VPS13C: variants seen among roughly 807,000 people sequenced by gnomAD.
The protein encoded by VPS13C is vacuolar protein sorting 13 homolog C, also known as intermembrane lipid transfer protein VPS13C.
VPS13C carries 358 observed loss-of-function variants against 456.8 expected under a neutral mutation model. The ratio of observed to expected loss-of-function variants is 0.78; its 90% CI spans 0.72 to 0.86. VPS13C has a LOEUF of 0.86. Ranked by LOEUF, VPS13C falls within the 40% of genes least tolerant of loss-of-function variation. The pLI is 0.00. For missense variants in VPS13C, 4,818 were observed against 4,385.4 expected (o/e 1.10, Z -2.79); for synonymous variants, 1,578 against 1,486.7 (o/e 1.06, Z -1.41).
intron 6 of VPS13C, among the ~76,000 whole-genome samples, chr15:62,024,129 TATA>T (rs2047554562): frequency 1.3e-5 from 2 of 152,102 alleles, no homozygotes; most frequent in African/African-American, 4.8e-5. Context: ...CAATGCCATT[TATA>T]ATATTAATGA....
At chr15:62,044,123 A>T in intron 2 of VPS13C, 89 bp downstream of exon 2, 1 of 814,226 alleles carries the variant, frequency 1.2e-6, no homozygotes, top group Non-Finnish European at 1.9e-6. Flanking sequence ...CACTTTATCT[A>T]GTACATGGTA....
intron 1 of VPS13C, among the ~76,000 whole-genome samples, chr15:62,048,358 GT>G: frequency 6.9e-6 from 1 of 145,234 alleles, no homozygotes; most frequent in East Asian, 2.2e-4. Context: ...GTGGTGTTTG[GT>G]TTTTTGTCCT....
chr15:62,020,691 T>C (rs1360877740), intron 8 of VPS13C, among the ~76,000 whole-genome samples, 153 bp from the exon 9 acceptor site: 3 of 151,976 alleles, frequency 2.0e-5, no homozygotes, highest in Admixed American at 6.6e-5. Context: ...GGTAATAACA[T>C]GGCTGGGATT....
chr15:61,975,305 T>A (rs189409808), intron 24 of VPS13C, among the ~76,000 whole-genome samples: 1 of 151,282 alleles, frequency 6.6e-6, no homozygotes, highest in East Asian at 2.0e-4. Flanking sequence ...AAAAAAAGAA[T>A]CAAAAGAGAG....
At chr15:62,046,598 G>T (rs1436958) in intron 1 of VPS13C, among the ~76,000 whole-genome samples, 57,245 of 152,040 alleles carry the variant, frequency 0.38, 11,815 homozygotes, top group Admixed American at 0.5. Context: ...CTCATAAATT[G>T]TGACTGTTCT....
chr15:61,928,646 G>A (rs891603082), intron 51 of VPS13C, among the ~76,000 whole-genome samples: 6 of 152,148 alleles, frequency 3.9e-5, no homozygotes, highest in African/African-American at 9.6e-5. Flanking sequence ...TGGGGAGGCA[G>A]AGGCGGGCGG....
In VPS13C at chr15:61,961,573, T is replaced by C. The variant is rs2045208034; in HGVS notation, c.3908+16A>G. On this transcript the variant is annotated intron_variant, in intron 35 of 84. Transcript: ENST00000644861. ...TGAATATAATATTTAAATCCATAAT[T>C]ATTGAAAGAGCATACCTATAAAGTG... 1 of 1,525,368 alleles carries C rather than the reference T, an allele frequency of 6.6e-7. No homozygotes were observed. The allele number at this position is 1,525,368 out of a possible 1,614,324, so 94.5% of individuals were successfully genotyped here.
intron 5 of VPS13C, among the ~76,000 whole-genome samples, chr15:62,031,668 CTT>C (rs1243192026): frequency 6.6e-6 from 1 of 151,774 alleles, no homozygotes; most frequent in East Asian, 1.9e-4. Context: ...ATGAAAAAAA[CTT>C]AAATTTTATC....
At position 61,867,863 on chromosome 15, in the gene VPS13C, A is replaced by G; in HGVS notation, c.10863+796T>C. On this transcript the variant is annotated intron_variant, in intron 81 of 84. Transcript: ENST00000644861. The surrounding 1 kb of genome is among the most constrained non-coding windows in gnomAD (Gnocchi z 5.0). ...TGACAATGGAATTCACACACAGTCA[A>G]TTAACACCACAGTTTGTTTTGATTT... is the stretch of plus-strand genomic sequence containing the variant. The G allele has an allele frequency of 6.3e-7, 1 of 1,587,636 alleles. No individual in the cohort carries two copies. Among genetic ancestry groups the G allele is most frequent in the Non-Finnish European group, 8.6e-7 (1 of 1,167,286 alleles).
intron 75 of VPS13C, among the ~76,000 whole-genome samples, chr15:61,876,702 G>C (rs541128797): frequency 2.7e-4 from 41 of 151,948 alleles, no homozygotes; most frequent in African/African-American, 9.2e-4. Context: ...AAGAAATCAA[G>C]TATAATGACT....
Position 62,057,211 on chromosome 15 carries a change from C to CA in VPS13C, c.100+3063dup, listed in dbSNP as rs1218790823. Among the ~76,000 whole-genome samples the CA allele has an allele frequency of 5.7e-4, 86 of 150,464 alleles. 1 individual carries two copies. The highest frequency in any genetic ancestry group is 3.4e-3 in the Middle Eastern group (1 of 290). ...AGACTTGAAAATTCAACAACAACAACAAAAAAAAAACTCTGTGAACTGTAA... is the reference window on the plus strand; with the variant it reads ...AGACTTGAAAATTCAACAACAACAACAAAAAAAAAAACTCTGTGAACTGTAA... On this transcript the variant is annotated intron_variant, in intron 1 of 84. Coordinates refer to ENST00000644861, the MANE Select transcript of VPS13C (RefSeq NM_020821.3).
At chr15:62,014,528 G>T (rs187160489) in intron 9 of VPS13C, among the ~76,000 whole-genome samples, 2 of 152,224 alleles carry the variant, frequency 1.3e-5, no homozygotes, top group East Asian at 3.9e-4. Context: ...ATGAGATCCA[G>T]ATCAGAGGTG....
chr15:61,892,079 T>C (rs1421866884), intron 66 of VPS13C, among the ~76,000 whole-genome samples: 2 of 152,312 alleles, frequency 1.3e-5, no homozygotes, highest in East Asian at 3.9e-4. Context: ...TTCCTCACCA[T>C]CTTGGGCTCC....
At chr15:61,903,192 G>T (rs980907405) in intron 66 of VPS13C, among the ~76,000 whole-genome samples, 15 of 151,654 alleles carry the variant, frequency 9.9e-5, no homozygotes, top group Non-Finnish European at 2.1e-4. Context: ...AAACAAAAAC[G>T]CTGGGCTTGG....
chr15:61,926,656 C>T (rs759758557), intron 52 of VPS13C, among the ~76,000 whole-genome samples: 2 of 152,070 alleles, frequency 1.3e-5, no homozygotes, highest in African/African-American at 2.4e-5. Context: ...TCATATGTTT[C>T]GATAATAATA....
chr15:61,941,777 CTGAG>C lies in VPS13C; in HGVS notation c.5435_5438del (p.Thr1812SerfsTer2), dbSNP rs1218246589. The C allele has an allele frequency of 3.1e-6, 5 of 1,610,868 alleles. No homozygotes were observed. The highest frequency in any genetic ancestry group is 1.7e-4 in the Middle Eastern group (1 of 5,760). ...CATATTTATACCTTGACAGCTTCAA[CTGAG>C]TGAGTTCGATGTTCATTTTATCAAT... is the stretch of plus-strand genomic sequence containing the variant. On this transcript the variant is annotated frameshift_variant, in exon 46 of 85. Coordinates refer to ENST00000644861, the MANE Select transcript of VPS13C (RefSeq NM_020821.3). LOFTEE classifies it high-confidence loss of function.
Position 61,867,812 on chromosome 15 carries a change from A to G in VPS13C, c.10863+847T>C. ...TATGAAAAGTTCAGATGGAGGTGAG[A>G]GTTTTAAAGAAAATTTCATTAAAAT... On this transcript the variant is annotated intron_variant, in intron 81 of 84. Transcript: ENST00000644861. This position sits in a 1 kb window ranked among gnomAD's most constrained non-coding sequence, Gnocchi z 5.0. 1 of 1,522,952 alleles carries G rather than the reference A, an allele frequency of 6.6e-7. No individual in the cohort carries two copies. The highest frequency in any genetic ancestry group is 1.3e-5 in the South Asian group (1 of 78,502). 94.3% of individuals were successfully genotyped at this position (1,522,952 alleles called of 1,614,324 possible). A position where few individuals can be genotyped will look rare whatever the true frequency, so the allele number is the denominator to read the frequency against.
In VPS13C at chr15:61,964,696, T is replaced by C. The variant is rs777774192; in HGVS notation, c.3214+3A>G. On this transcript the variant is annotated splice_donor_region_variant and intron_variant, in intron 31 of 84. Transcript: ENST00000644861. ...ACAAAAAACAAAAATGTATGTTTCA[T>C]ACCTTTTGGCAGAGTTGAATTTTTT... The C allele has an allele frequency of 1.3e-5, 21 of 1,597,750 alleles. No homozygotes were observed. Among genetic ancestry groups the C allele is most frequent in the East Asian group, 1.1e-4 (5 of 44,764 alleles).
At chr15:61,894,968 G>C (rs1028456500) in intron 66 of VPS13C, among the ~76,000 whole-genome samples, 2 of 152,076 alleles carry the variant, frequency 1.3e-5, no homozygotes, top group African/African-American at 2.4e-5. Context: ...CCATATGGTA[G>C]GCCACAAAAC....
Sources: gnomAD v4.1 joint callset for allele counts (sites outside exome capture counted in the v4.1 genomes callset) on GRCh38, gnomAD v4.1.1 for gene constraint, Gnocchi (gnomAD v3.1) non-coding constraint, MANE v1.5 for transcripts, NCBI Gene and HGNC (gene_info 2026-07-23, HGNC 2026-07-21) for gene names.